PSMD2: variants seen among roughly 807,000 people sequenced by gnomAD.
PSMD2 encodes the protein proteasome 26S subunit ubiquitin receptor, non-ATPase 2, also known as 26S proteasome non-ATPase regulatory subunit 2.
In PSMD2, 8 loss-of-function variants were observed where a neutral mutation model predicts 101.5. The observed-to-expected ratio is 0.08, with a 90% confidence interval of 0.05 to 0.14. The LOEUF is 0.14. Among genes scored for constraint, PSMD2 ranks in the 10% least tolerant of loss-of-function variants. The pLI is 1.00. For missense variants in PSMD2, 784 were observed against 1,147.4 expected, an observed-to-expected ratio of 0.68 and a Z score of 4.58; for synonymous variants, 418 against 433.8, an observed-to-expected ratio of 0.96 and a Z score of 0.45.
chr3:184,299,460 C>T (rs1389800280), intron 1 of PSMD2, 59 bp downstream of exon 1: 7 of 1,307,812 alleles, frequency 5.4e-6, no homozygotes, highest in East Asian at 3.1e-5. Context: ...ACGGCGGCTC[C>T]GCAGGCCTCA....
Position 184,308,831 on chromosome 3 carries a change from G to A in PSMD2, c.2668G>A (p.Val890Ile). The change falls in exon 21 of 21, where the codon GTT becomes ATT. Residue 890 changes from valine (V) to isoleucine (I), a missense_variant. Val to Ile is a conservative substitution (Grantham distance 29, BLOSUM62 3). Around this residue, in one of 6 missense-constraint regions of PSMD2, gnomAD observed 33 missense variants for 38.2 expected, o/e 0.86. Coordinates refer to ENST00000310118, the MANE Select transcript of PSMD2 (RefSeq NM_002808.5). This position sits in a 1 kb window ranked among gnomAD's most constrained non-coding sequence, Gnocchi z 6.0. ...AELATEEFLP[V>I]TPILEGFVIL... The stretch of plus-strand genomic sequence containing the variant: ...ATTGGCCACTGAGGAGTTTCTTCCT[G>A]TTACCCCCATTCTGGAAGGTTTTGT... The A allele has an allele frequency of 1.2e-6, 2 of 1,613,168 alleles. No homozygotes were observed. Among genetic ancestry groups the A allele is most frequent in the Non-Finnish European group, 1.7e-6 (2 of 1,180,030 alleles).
Position 184,304,361 on chromosome 3 carries a change from T to C in PSMD2, c.1509T>C (p.Pro503=). 1 of 1,614,210 alleles carries C rather than the reference T, an allele frequency of 6.2e-7. No homozygotes were observed. The highest frequency in any genetic ancestry group is 8.5e-7 in the Non-Finnish European group (1 of 1,180,024). Residue 503 remains proline (P), a synonymous_variant, in exon 12 of 21, where the codon CCT becomes CCC. Transcript: ENST00000310118. This position sits in a 1 kb window ranked among gnomAD's most constrained non-coding sequence, Gnocchi z 4.1. Reference sequence around the variant, plus strand: ...AAGATGTCCTAACACTGCTGCTGCCTGTGATGGGAGATTCAAAGTCCAGCA... The same window carrying C: ...AAGATGTCCTAACACTGCTGCTGCCCGTGATGGGAGATTCAAAGTCCAGCA... ...NREDVLTLLL[P]VMGDSKSSME...
chr3:184,306,208 T>G, intron 14 of PSMD2, 53 bp downstream of exon 14: 2 of 1,602,180 alleles, frequency 1.2e-6, no homozygotes, highest in South Asian at 1.1e-5. Flanking sequence ...CCTCACTTCT[T>G]TCTTGGTCCT....
rs1465748598 is a variant in PSMD2 at position 184,304,750 on chromosome 3, G to C, written c.1539+359G>C. ...AAAAATAAACAGAAAAATTAGCCGG[G>C]TGTGGTGGTGCTCGCCTGTAGTGCC... On this transcript the variant is annotated intron_variant, in intron 12 of 20. Transcript: ENST00000310118. The surrounding 1 kb of genome is among the most constrained non-coding windows in gnomAD (Gnocchi z 4.1). Among the ~76,000 whole-genome samples, 1 of 152,144 alleles carries C rather than the reference G, an allele frequency of 6.6e-6. No individual in the cohort carries two copies. The highest frequency in any genetic ancestry group is 1.5e-5 in the Non-Finnish European group (1 of 68,032).
At chr3:184,301,793 G>A (rs760649186) in intron 4 of PSMD2, 54 bp from the exon 5 acceptor site, 19 of 1,612,218 alleles carry the variant, frequency 1.2e-5, no homozygotes, top group East Asian at 2.2e-5. Context: ...TTGACCCACA[G>A]AGAAGTGCTT....
intron 15 of PSMD2, 60 bp from the exon 16 acceptor site, chr3:184,306,691 C>T: frequency 6.4e-7 from 1 of 1,571,472 alleles, no homozygotes; most frequent in Non-Finnish European, 8.7e-7. Flanking sequence ...GGACTTGAGT[C>T]AAGGGTGACT....
In PSMD2 at chr3:184,308,154, C is replaced by T; in HGVS notation, c.2425+138C>T. On this transcript the variant is annotated intron_variant, in intron 19 of 20. Transcript: ENST00000310118. This position sits in a 1 kb window ranked among gnomAD's most constrained non-coding sequence, Gnocchi z 6.0. ...TAGGTTTCTGAGACAGGCTTTGGGC[C>T]TGTGACATGAGACTTTCATCACCCA... is the stretch of plus-strand genomic sequence containing the variant. 1 of 1,186,710 alleles carries T rather than the reference C, an allele frequency of 8.4e-7. No individual in the cohort carries two copies. Among genetic ancestry groups the T allele is most frequent in the Non-Finnish European group, 1.2e-6 (1 of 861,118 alleles). The allele number at this position is 1,186,710 out of a possible 1,614,324, so 73.5% of individuals were successfully genotyped here. A position where few individuals can be genotyped will look rare whatever the true frequency, so the allele number is the denominator to read the frequency against.
intron 12 of PSMD2, among the ~76,000 whole-genome samples, chr3:184,305,487 CAAAAAAA>C (rs200304556): frequency 6.0e-4 from 67 of 111,984 alleles, no homozygotes; most frequent in Middle Eastern, 4.7e-3. Flanking sequence ...GACTCTGTCT[CAAAAAAA>C]AAAAAAAAAA....
chr3:184,307,697 C>T lies in PSMD2; in HGVS notation c.2287C>T (p.Arg763Cys), dbSNP rs770754864. The change falls in exon 18 of 21, where the codon CGC becomes TGC. Residue 763 changes from arginine (R) to cysteine (C), a missense_variant. Physicochemically the swap from Arg to Cys is radical, Grantham distance 180. Around this residue, in one of 6 missense-constraint regions of PSMD2, gnomAD observed 282 missense variants for 437.6 expected, o/e 0.64. Coordinates refer to ENST00000310118, the MANE Select transcript of PSMD2 (RefSeq NM_002808.5). ...GGACCCAAACAACCTCTTCATGGTGCGCTTGGCACAGGTAAAGAATAGAAC... is the reference window on the plus strand; with the variant it reads ...GGACCCAAACAACCTCTTCATGGTGTGCTTGGCACAGGTAAAGAATAGAAC... Reference protein sequence around the residue: ...AKDPNNLFMVRLAQGLTHLGK... With the variant: ...AKDPNNLFMVCLAQGLTHLGK... 6.2e-7 allele frequency: 1 copy of T among 1,614,068 alleles called. No homozygotes were observed. The highest frequency in any genetic ancestry group is 1.7e-5 in the Admixed American group (1 of 60,018).
chr3:184,308,891 G>T lies in PSMD2; in HGVS notation c.*1G>T, dbSNP rs1721938400. Reference sequence around the variant, plus strand: ...GAAGAACCCCAATTATGATCTCTAAGTGACCACCAGGGGCTCTGAACTGCA... The same window carrying T: ...GAAGAACCCCAATTATGATCTCTAATTGACCACCAGGGGCTCTGAACTGCA... On this transcript the variant is annotated 3_prime_UTR_variant, in exon 21 of 21. Coordinates refer to ENST00000310118, the MANE Select transcript of PSMD2 (RefSeq NM_002808.5). The surrounding 1 kb of genome is among the most constrained non-coding windows in gnomAD (Gnocchi z 6.0). The T allele has an allele frequency of 1.2e-6, 2 of 1,610,974 alleles. No individual in the cohort carries two copies. The highest frequency in any genetic ancestry group is 4.5e-5 in the East Asian group (2 of 44,856).
At position 184,305,814 on chromosome 3, in the gene PSMD2, C is replaced by T. The variant is rs770722867; in HGVS notation, c.1586C>T (p.Ser529Phe). The change falls in exon 13 of 21, where the codon TCC becomes TTC. Residue 529 changes from serine (S) to phenylalanine (F), a missense_variant. By Grantham distance (155) the Ser-to-Phe change is radical. Transcript: ENST00000310118. ...GCCTGTGGAATGATAGCAGTAGGGTCCTGCAATGGAGATGTAACTTCCACT... is the reference window on the plus strand; with the variant it reads ...GCCTGTGGAATGATAGCAGTAGGGTTCTGCAATGGAGATGTAACTTCCACT... ...ALACGMIAVG[S>F]CNGDVTSTIL... 9.9e-6 allele frequency: 16 copies of T among 1,614,112 alleles called. No individual in the cohort carries two copies. The highest frequency in any genetic ancestry group is 1.4e-5 in the Non-Finnish European group (16 of 1,180,014).
At chr3:184,303,192 C>G in intron 8 of PSMD2, 128 bp from the exon 9 acceptor site, 1 of 1,495,332 alleles carries the variant, frequency 6.7e-7, no homozygotes, top group Non-Finnish European at 9.3e-7. Context: ...CAGGTCACTG[C>G]TTGGGGGGGT....
At position 184,300,504 on chromosome 3, in the gene PSMD2, T is replaced by C. The variant is rs878978582; in HGVS notation, c.357+60T>C. ...TAGGAATTCCTTTTTACCCAGATCA[T>C]GGGGGGACTCATTGTGAGTCACAGG... On this transcript the variant is annotated intron_variant, in intron 3 of 20. Coordinates refer to ENST00000310118, the MANE Select transcript of PSMD2 (RefSeq NM_002808.5). 178 of 1,568,998 alleles carry C rather than the reference T, an allele frequency of 1.1e-4. 3 individuals are homozygous for C. In the South Asian group the frequency reaches 1.9e-3, roughly 17 times the overall value.
rs182086670 is a variant in PSMD2, at chr3:184,299,287, C to G, written c.21C>G (p.Asp7Glu). 9.2e-4 allele frequency: 1,263 copies of G among 1,365,990 alleles called. 20 individuals carry two copies. The Admixed American group carries it at 0.017, about 19-fold the overall frequency. The allele number at this position is 1,365,990 out of a possible 1,614,324, so 84.6% of individuals were successfully genotyped here. MEEGGR[D>E]KAPVQPQQSP... is the part of the protein sequence containing the mutation. ...CGGAGATGGAGGAGGGAGGCCGGGA[C>G]AAGGCGCCGGTGCAGCCCCAGCAGT... is the stretch of plus-strand genomic sequence containing the variant. The change falls in exon 1 of 21, where the codon GAC becomes GAG. Residue 7 changes from aspartate to glutamate, a missense_variant. Physicochemically the swap from Asp to Glu is conservative, Grantham distance 45 (BLOSUM62 2). This residue lies in a region of PSMD2 where 196 missense variants were observed against 182.4 expected (regional missense o/e 1.07). Coordinates refer to ENST00000310118, the MANE Select transcript of PSMD2 (RefSeq NM_002808.5).
chr3:184,299,244 G>C lies in PSMD2; in HGVS notation c.-23G>C, dbSNP rs1009543900. The C allele has an allele frequency of 7.6e-7, 1 of 1,307,838 alleles. No homozygotes were observed. The highest frequency in any genetic ancestry group is 9.7e-7 in the Non-Finnish European group (1 of 1,030,152). 81.0% of individuals were successfully genotyped at this position (1,307,838 alleles called of 1,614,324 possible). On this transcript the variant is annotated 5_prime_UTR_variant, in exon 1 of 21. Transcript: ENST00000310118. Reference sequence around the variant, plus strand: ...GGCGGTGCGAGCGGGTGCGCGCGCAGCGGGCCGGCAGTGGCGGCGGAGATG... The same window carrying C: ...GGCGGTGCGAGCGGGTGCGCGCGCACCGGGCCGGCAGTGGCGGCGGAGATG...
Position 184,307,986 on chromosome 3 carries a change from G to C in PSMD2, c.2395G>C (p.Val799Leu), listed in dbSNP as rs1003199616. 2 of 1,614,124 alleles carry C rather than the reference G, an allele frequency of 1.2e-6. No individual in the cohort carries two copies. Among genetic ancestry groups the C allele is most frequent in the Admixed American group, 1.7e-5 (1 of 60,030 alleles). The change falls in exon 19 of 21, where the codon GTG (valine) becomes CTG (leucine). Residue 799 changes from valine (V) to leucine (L), a missense_variant. Physicochemically the swap from Val to Leu is conservative, Grantham distance 32. This residue lies in a region of PSMD2 where 282 missense variants were observed against 437.6 expected (regional missense o/e 0.64). Transcript: ENST00000310118. ...GGTGGCCGTGGCTGGACTGCTCACTGTGCTTGTCTCTTTCCTGGATGTTCG... is the reference window on the plus strand; with the variant it reads ...GGTGGCCGTGGCTGGACTGCTCACTCTGCTTGTCTCTTTCCTGGATGTTCG... ...SQVAVAGLLTVLVSFLDVRNI... is the reference protein window; with the variant it reads ...SQVAVAGLLTLLVSFLDVRNI...
At chr3:184,302,571 G>C in intron 6 of PSMD2, 43 bp downstream of exon 6, 2 of 1,611,934 alleles carry the variant, frequency 1.2e-6, no homozygotes, top group Non-Finnish European at 8.5e-7. Context: ...CTTACGAATA[G>C]GACACTTGCA....
chr3:184,299,892 C>G lies in PSMD2; in HGVS notation c.177C>G (p.Leu59=). 1 of 1,613,850 alleles carries G rather than the reference C, an allele frequency of 6.2e-7. No homozygotes were observed. ...DKQLQDELEM[L]VERLGEKDTS... is the part of the protein sequence containing the mutation. ...AGCTTCAAGATGAACTGGAGATGCT[C>G]GTGGAACGACTAGGGGTGAGTCACG... The change falls in exon 2 of 21, where the codon CTC becomes CTG. Residue 59 remains leucine (L), a synonymous_variant. Transcript: ENST00000310118.
rs1425143774 is a variant in PSMD2 at position 184,306,344 on chromosome 3, A to T, written c.1805-6A>T. ...CTGTCCATTCTCCCTCACCACCCTG[A>T]CGCAGGCTCTGGGAATGTGCTGAAG... is the stretch of plus-strand genomic sequence containing the variant. On this transcript the variant is annotated splice_region_variant and splice_polypyrimidine_tract_variant and intron_variant, in intron 14 of 20. Transcript: ENST00000310118. 4 of 1,613,128 alleles carry T rather than the reference A, an allele frequency of 2.5e-6. No individual in the cohort carries two copies. Among genetic ancestry groups the T allele is most frequent in the Non-Finnish European group, 3.4e-6 (4 of 1,179,658 alleles).
Sources: allele counts gnomAD v4.1 joint callset (sites outside exome capture counted in the v4.1 genomes callset), GRCh38; gene constraint gnomAD v4.1.1; regional missense constraint gnomAD v4.1.1; non-coding constraint Gnocchi (gnomAD v3.1); transcripts MANE v1.5; gene names NCBI Gene and HGNC (gene_info 2026-07-23, HGNC 2026-07-21).